The following ZNF318 variants were observed in gnomAD, a reference collection of about 807,000 sequenced individuals.
ZNF318 encodes the protein zinc finger protein 318.
In ZNF318, 51 loss-of-function variants were observed where a neutral mutation model predicts 124.2. That is an observed-to-expected ratio of 0.41 (90% CI 0.33 to 0.52). ZNF318 has a LOEUF of 0.52. Ranked by LOEUF, ZNF318 falls within the 20% of genes least tolerant of loss-of-function variation. ZNF318 has a pLI of 0.23. For synonymous variants in ZNF318, 1,090 were observed against 1,040.7 expected (o/e 1.05, Z -0.91); for missense variants, 2,815 against 2,811.2 (o/e 1.00, Z -0.03).
chr6:43,362,415 T>G (rs1158179988), intron 2 of ZNF318, among the ~76,000 whole-genome samples: 4 of 151,430 alleles, frequency 2.6e-5, no homozygotes, highest in Non-Finnish European at 4.4e-5. Flanking sequence ...ATTGCAGCAT[T>G]GCACTCCAGC....
In ZNF318 at chr6:43,369,069, G is replaced by T; in HGVS notation, c.297C>A (p.Phe99Leu). Residue 99 changes from phenylalanine to leucine, a missense_variant, in exon 1 of 10, where the codon TTC becomes TTA. Around this residue, in one of 4 missense-constraint regions of ZNF318, gnomAD observed 1,377 missense variants for 1,353.5 expected, o/e 1.02. Transcript: ENST00000361428. Reference protein sequence around the residue: ...SPSPPRGRRLFPPGPAGFRGS... With the variant: ...SPSPPRGRRLLPPGPAGFRGS... ...CTCTGAAGCCGGCCGGGCCCGGCGG[G>T]AAGAGTCGTCGGCCCCGCGGTGGCG... 4.5e-6 allele frequency: 6 copies of T among 1,334,076 alleles called. No individual in the cohort carries two copies. Among genetic ancestry groups the T allele is most frequent in the Non-Finnish European group, 5.8e-6 (6 of 1,040,022 alleles). 82.6% of individuals were successfully genotyped at this position (1,334,076 alleles called of 1,614,324 possible). A position where few individuals can be genotyped will look rare whatever the true frequency, so the allele number is the denominator to read the frequency against.
rs147041403 is a variant in ZNF318, at chr6:43,342,838, G to A, written c.3114C>T (p.Pro1038=). 1.9e-4 allele frequency: 304 copies of A among 1,613,864 alleles called. No homozygotes were observed. The highest frequency in any genetic ancestry group is 2.3e-4 in the Non-Finnish European group (274 of 1,179,820). The part of the protein sequence containing the change: ...VNNEKFRTKS[P]KPAESPQSAT... Reference sequence around the variant, plus strand: ...CTGACTGGGGGCTTTCGGCAGGCTTGGGGCTCTTAGTACGAAACTTCTCAT... The same window carrying A: ...CTGACTGGGGGCTTTCGGCAGGCTTAGGGCTCTTAGTACGAAACTTCTCAT... Residue 1038 remains proline (P), a synonymous_variant, in exon 7 of 10, where the codon CCC becomes CCT. Coordinates refer to ENST00000361428, the MANE Select transcript of ZNF318 (RefSeq NM_014345.3).
Position 43,355,578 on chromosome 6 carries a change from T to A in ZNF318, c.1756A>T (p.Asn586Tyr), listed in dbSNP as rs1240145344. 1 of 1,614,228 alleles carries A rather than the reference T, an allele frequency of 6.2e-7. No individual in the cohort carries two copies. The highest frequency in any genetic ancestry group is 1.7e-5 in the Admixed American group (1 of 60,022). ...AVKLESLEET[N>Y]PEYAKIHDLL... ...TCATGGATCTTCGCATATTCTGGAT[T>A]GGTCTCTTCTAGTGATTCTAGCTTT... is the stretch of plus-strand genomic sequence containing the variant. Residue 586 changes from asparagine to tyrosine, a missense_variant, in exon 4 of 10, where the codon AAT (asparagine) becomes TAT (tyrosine). Around this residue, in one of 4 missense-constraint regions of ZNF318, gnomAD observed 1,377 missense variants for 1,353.5 expected, o/e 1.02. Transcript: ENST00000361428.
rs767844232 is a variant in ZNF318 at position 43,337,360 on chromosome 6, G to C, written c.6638C>G (p.Ser2213Trp). 6.2e-7 allele frequency: 1 copy of C among 1,614,004 alleles called. No individual in the cohort carries two copies. The highest frequency in any genetic ancestry group is 1.7e-5 in the Admixed American group (1 of 59,996). ...LELGPLQLEI[S>W]NASTTEVAIL... ...TGCCACCTCTGTGGTGGATGCATTC[G>C]ATATTTCTAGCTGTAATGGCCCCAA... Residue 2213 changes from serine to tryptophan, a missense_variant, in exon 10 of 10, where the codon TCG (serine) becomes TGG (tryptophan). Ser to Trp is a radical substitution (Grantham distance 177, BLOSUM62 -3). Coordinates refer to ENST00000361428, the MANE Select transcript of ZNF318 (RefSeq NM_014345.3).
rs756946215 is a variant in ZNF318 at position 43,357,245 on chromosome 6, C to G, written c.1069G>C (p.Val357Leu). Residue 357 changes from valine (V) to leucine (L), a missense_variant, in exon 3 of 10, where the codon GTC (valine) becomes CTC (leucine). By Grantham distance (32) the Val-to-Leu change is conservative. This residue lies in a region of ZNF318 where 1,377 missense variants were observed against 1,353.5 expected (regional missense o/e 1.02). Transcript: ENST00000361428. ...TGCSIPGLSG[V>L]LTASEPGYSL... ...TATCCTGGCTCCGATGCTGTTAGGA[C>G]ACCTGACAATCCAGGGATGGAACAG... The G allele has an allele frequency of 5.0e-6, 8 of 1,614,054 alleles. No individual in the cohort carries two copies. The highest frequency in any genetic ancestry group is 1.3e-5 in the African/African-American group (1 of 74,910).
chr6:43,357,831 G>A (rs749934456), intron 2 of ZNF318, 66 bp from the exon 3 acceptor site: 115 of 1,434,534 alleles, frequency 8.0e-5, no homozygotes, highest in Non-Finnish European at 1.0e-4. Context: ...ACAAGGCTAA[G>A]AGACTGGTGT....
Position 43,365,356 on chromosome 6 carries a change from G to A in ZNF318, c.484C>T (p.Pro162Ser). 6.2e-7 allele frequency: 1 copy of A among 1,614,172 alleles called. No individual in the cohort carries two copies. Among genetic ancestry groups the A allele is most frequent in the African/African-American group, 1.3e-5 (1 of 75,058 alleles). Residue 162 changes from proline to serine, a missense_variant, in exon 2 of 10, where the codon CCA (proline) becomes TCA (serine). This residue lies in a region of ZNF318 where 1,377 missense variants were observed against 1,353.5 expected (regional missense o/e 1.02). Transcript: ENST00000361428. ...CGATCACTAAGCCGTCGCCGTTCTG[G>A]TGTGCTAACACAGAAGTGGTCATTG... ...VGNDHFCVST[P>S]ERRRLSDRLG...
In ZNF318 at chr6:43,369,553, T is replaced by C. The variant is rs1448175921; in HGVS notation, c.-188A>G. 8.9e-6 allele frequency: 2 copies of C among 225,968 alleles called. No individual in the cohort carries two copies. The highest frequency in any genetic ancestry group is 1.5e-5 in the Non-Finnish European group (2 of 136,740). The allele number at this position is 225,968 out of a possible 1,614,324, so 14.0% of individuals were successfully genotyped here. A position where few individuals can be genotyped will look rare whatever the true frequency, so the allele number is the denominator to read the frequency against. On this transcript the variant is annotated 5_prime_UTR_variant, in exon 1 of 10. Transcript: ENST00000361428. ...GCCCGGCCGAGCGCGCCCCCGCGGCTGGCGGTTGGAGGGCGCGAGCACGCG... is the reference window on the plus strand; with the variant it reads ...GCCCGGCCGAGCGCGCCCCCGCGGCCGGCGGTTGGAGGGCGCGAGCACGCG...
At position 43,355,719 on chromosome 6, in the gene ZNF318, A is replaced by G. The variant is rs1206012818; in HGVS notation, c.1615T>C (p.Tyr539His). 1 of 1,614,170 alleles carries G rather than the reference A, an allele frequency of 6.2e-7. No homozygotes were observed. The change falls in exon 4 of 10, where the codon TAT becomes CAT. Residue 539 changes from tyrosine to histidine, a missense_variant. By Grantham distance (83) the Tyr-to-His change is moderately conservative (BLOSUM62 2). Transcript: ENST00000361428. ...TTTAAATCCTCTTCTTCATCCCCAT[A>G]GAGAAATTTCTCCTCATCTTCAATG... ...PDIEDEEKFL[Y>H]GDEEEDLKAE...
chr6:43,361,975 G>A (rs1040511067), intron 2 of ZNF318, among the ~76,000 whole-genome samples: 1 of 151,908 alleles, frequency 6.6e-6, no homozygotes, highest in African/African-American at 2.4e-5. Flanking sequence ...AGGCAACACA[G>A]TGAGAACCCC....
At position 43,338,752 on chromosome 6, in the gene ZNF318, A is replaced by G. The variant is rs777013553; in HGVS notation, c.5246T>C (p.Ile1749Thr). 2.5e-6 allele frequency: 4 copies of G among 1,614,082 alleles called. No individual in the cohort carries two copies. Among genetic ancestry groups the G allele is most frequent in the South Asian group, 2.2e-5 (2 of 91,074 alleles). ...QCKESQKLVE[I>T]HLRESVNQDK... ...CTGGTTAACAGATTCTCTGAGGTGG[A>G]TTTCTACCAACTTCTGAGATTCTTT... Residue 1749 changes from isoleucine (I) to threonine (T), a missense_variant, in exon 10 of 10, where the codon ATC becomes ACC. Physicochemically the swap from Ile to Thr is moderately conservative, Grantham distance 89. Transcript: ENST00000361428.
At chr6:43,346,535 A>G (rs1166940157) in intron 6 of ZNF318, among the ~76,000 whole-genome samples, 2 of 151,436 alleles carry the variant, frequency 1.3e-5, no homozygotes, top group African/African-American at 4.8e-5. Flanking sequence ...AAAAAAAAAA[A>G]AAAAAAAAAA....
At chr6:43,366,809 C>T (rs111467122) in intron 1 of ZNF318, among the ~76,000 whole-genome samples, 11,507 of 152,132 alleles carry the variant, frequency 0.076, 573 homozygotes, top group Admixed American at 0.11. Flanking sequence ...ATATTACATA[C>T]ACACACACGC....
At chr6:43,363,011 T>C (rs566606729) in intron 2 of ZNF318, among the ~76,000 whole-genome samples, 1 of 152,274 alleles carries the variant, frequency 6.6e-6, no homozygotes, top group Admixed American at 6.5e-5. Context: ...GTATCTTTGT[T>C]TAGAACCTTA....
chr6:43,351,575 A>G (rs892306922), intron 5 of ZNF318, among the ~76,000 whole-genome samples: 2 of 152,114 alleles, frequency 1.3e-5, no homozygotes, highest in Non-Finnish European at 2.9e-5. Context: ...AGCCTGGACA[A>G]AATGATGAAA....
chr6:43,363,915 A>G (rs1779722624), intron 2 of ZNF318: 1 of 679,318 alleles, frequency 1.5e-6, no homozygotes, highest in Non-Finnish European at 2.6e-6. Flanking sequence ...CTGTGCACAG[A>G]GGCTACTGGG....
intron 8 of ZNF318, 73 bp from the exon 9 acceptor site, chr6:43,340,981 A>ACCACC: frequency 9.0e-7 from 1 of 1,111,662 alleles, no homozygotes; most frequent in Admixed American, 1.7e-5. Flanking sequence ...TGGAAATCCC[A>ACCACC]CCACCCCTTT....
intron 6 of ZNF318, among the ~76,000 whole-genome samples, chr6:43,346,253 A>G (rs1779441378): frequency 6.9e-6 from 1 of 145,596 alleles, no homozygotes; most frequent in South Asian, 2.2e-4. Flanking sequence ...GCCCTTTGGG[A>G]GGCCGGATCA....
At chr6:43,344,498 T>C (rs767351041) in intron 6 of ZNF318, among the ~76,000 whole-genome samples, 3 of 152,236 alleles carry the variant, frequency 2.0e-5, no homozygotes, top group Non-Finnish European at 4.4e-5. Context: ...ATGTTCATGA[T>C]ATACTGAGAA....
Sources: allele counts gnomAD v4.1 joint callset (sites outside exome capture counted in the v4.1 genomes callset), GRCh38; gene constraint gnomAD v4.1.1; regional missense constraint gnomAD v4.1.1; transcripts MANE v1.5; gene names NCBI Gene and HGNC (gene_info 2026-07-23, HGNC 2026-07-21).